Variants in PDSS2 observed in about 807,000 individuals in gnomAD.
PDSS2 encodes the protein all trans-polyprenyl-diphosphate synthase PDSS2.
PDSS2 carries 31 observed loss-of-function variants against 44.5 expected under a neutral mutation model. That is an observed-to-expected ratio of 0.70 (90% CI 0.52 to 0.94). The LOEUF (loss-of-function observed/expected upper bound fraction) is 0.94, where lower values mean the gene tolerates loss of function less well. PDSS2 is among the 40% of genes least tolerant of loss of function. The probability of loss-of-function intolerance (pLI) is 0.00; values close to 1 mark genes in which losing one functional copy is unlikely to be tolerated. For missense variants in PDSS2, 452 were observed against 482.2 expected (o/e 0.94, Z 0.59); for synonymous variants, 157 against 180.3 (o/e 0.87, Z 1.03).
intron 1 of PDSS2, among the ~76,000 whole-genome samples, chr6:107,365,375 TA>T (rs891958321): frequency 6.6e-6 from 1 of 151,264 alleles, no homozygotes; most frequent in Non-Finnish European, 1.5e-5. Context: ...ATCATACAGC[TA>T]AAAAAAACAC....
At chr6:107,252,567 AAACT>A (rs1477213225) in intron 3 of PDSS2, among the ~76,000 whole-genome samples, 2 of 152,210 alleles carry the variant, frequency 1.3e-5, no homozygotes, top group South Asian at 2.1e-4. Context: ...ATTGGTTCAT[AAACT>A]AACTACTGGT....
chr6:107,390,860 A>G (rs565603926), intron 1 of PDSS2, among the ~76,000 whole-genome samples: 2 of 152,284 alleles, frequency 1.3e-5, no homozygotes, highest in South Asian at 4.1e-4. Flanking sequence ...ACCCAAGTCT[A>G]CTTTTGCTCT....
At chr6:107,196,755 A>G (rs1772576051) in intron 6 of PDSS2, among the ~76,000 whole-genome samples, 1 of 152,230 alleles carries the variant, frequency 6.6e-6, no homozygotes, top group Non-Finnish European at 1.5e-5. Flanking sequence ...AGACCAAGAC[A>G]GGATTAGAAG....
At chr6:107,262,967 A>T (rs367989379) in intron 3 of PDSS2, among the ~76,000 whole-genome samples, 12 of 152,190 alleles carry the variant, frequency 7.9e-5, no homozygotes, top group African/African-American at 2.6e-4. Context: ...TTAAAAAAAT[A>T]AAAAAGGTAA....
chr6:107,321,938 A>C (rs1474635697), intron 2 of PDSS2, among the ~76,000 whole-genome samples: 4 of 152,146 alleles, frequency 2.6e-5, no homozygotes, highest in Non-Finnish European at 5.9e-5. Context: ...CCACCCCTGC[A>C]AACTGATTCA....
chr6:107,189,369 G>T (rs1259093730), intron 7 of PDSS2, among the ~76,000 whole-genome samples: 1 of 151,804 alleles, frequency 6.6e-6, no homozygotes, highest in Non-Finnish European at 1.5e-5. Flanking sequence ...ACAGAGTCTT[G>T]CTCTGTTGTC....
At chr6:107,454,996 T>A (rs1781989915) in intron 1 of PDSS2, among the ~76,000 whole-genome samples, 1 of 152,126 alleles carries the variant, frequency 6.6e-6, no homozygotes, top group Non-Finnish European at 1.5e-5. Context: ...TTAGGCTGTT[T>A]AAATAATTTG....
intron 2 of PDSS2, among the ~76,000 whole-genome samples, chr6:107,286,099 C>G (rs1284389186): frequency 7.6e-6 from 1 of 132,118 alleles, no homozygotes; most frequent in Non-Finnish European, 1.5e-5. Flanking sequence ...AAGATCTAGG[C>G]TGGAGCCTAG....
At chr6:107,243,856 T>A (rs7745311) in intron 4 of PDSS2, among the ~76,000 whole-genome samples, 1 of 152,078 alleles carries the variant, frequency 6.6e-6, no homozygotes, top group Non-Finnish European at 1.5e-5. Flanking sequence ...GGGCTGGGCA[T>A]GGTGGCTCAC....
intron 1 of PDSS2, among the ~76,000 whole-genome samples, chr6:107,352,240 C>A (rs1778455356): frequency 6.6e-6 from 1 of 152,018 alleles, no homozygotes; most frequent in Non-Finnish European, 1.5e-5. Context: ...GCTAATGTTT[C>A]AATATAACAG....
chr6:107,336,118 G>A (rs1777883421), intron 1 of PDSS2, among the ~76,000 whole-genome samples: 1 of 151,928 alleles, frequency 6.6e-6, no homozygotes, highest in Non-Finnish European at 1.5e-5. Flanking sequence ...ACCCAGGCGT[G>A]GTGGCAGGTA....
chr6:107,294,108 A>C (rs1371327324), intron 2 of PDSS2, among the ~76,000 whole-genome samples: 1 of 152,178 alleles, frequency 6.6e-6, no homozygotes, highest in Non-Finnish European at 1.5e-5. Flanking sequence ...CAGCTAAATA[A>C]CAAGAGGCAG....
chr6:107,251,102 C>T (rs771771396), intron 3 of PDSS2, among the ~76,000 whole-genome samples: 4 of 152,188 alleles, frequency 2.6e-5, no homozygotes, highest in Non-Finnish European at 5.9e-5. Flanking sequence ...GATCTGCCTG[C>T]CTCGGCCTCC....
At chr6:107,395,638 T>C (rs1232654517) in intron 1 of PDSS2, among the ~76,000 whole-genome samples, 1 of 152,194 alleles carries the variant, frequency 6.6e-6, no homozygotes, top group East Asian at 1.9e-4. Context: ...TCTACTTATG[T>C]TGATTTTTGT....
chr6:107,378,931 G>A (rs532312565), intron 1 of PDSS2, among the ~76,000 whole-genome samples: 1 of 152,094 alleles, frequency 6.6e-6, no homozygotes, highest in Non-Finnish European at 1.5e-5. Flanking sequence ...ACATAAAATC[G>A]CCATGATTTA....
At chr6:107,275,050 A>T (rs73509194) in intron 2 of PDSS2, among the ~76,000 whole-genome samples, 3,576 of 152,226 alleles carry the variant, frequency 0.023, 147 homozygotes, top group African/African-American at 0.082. Context: ...TCCTTCAAGG[A>T]CTTTTTAACT....
At chr6:107,224,348 A>G (rs1472628334) in intron 4 of PDSS2, among the ~76,000 whole-genome samples, 1 of 151,416 alleles carries the variant, frequency 6.6e-6, no homozygotes, top group African/African-American at 2.5e-5. Flanking sequence ...ATTCTAGCCT[A>G]AGAGATATGA....
intron 2 of PDSS2, among the ~76,000 whole-genome samples, chr6:107,292,258 C>T (rs571437203): frequency 6.6e-6 from 1 of 151,842 alleles, no homozygotes; most frequent in East Asian, 1.9e-4. Flanking sequence ...CAAAAATTCT[C>T]CCATATTCAG....
intron 6 of PDSS2, among the ~76,000 whole-genome samples, chr6:107,199,744 G>A (rs1303488249): frequency 1.3e-5 from 2 of 152,202 alleles, no homozygotes; most frequent in Non-Finnish European, 2.9e-5. Context: ...TTCTTTATAT[G>A]TATTGGTTAT....
Sources: allele counts gnomAD v4.1 joint callset (sites outside exome capture counted in the v4.1 genomes callset), GRCh38; gene constraint gnomAD v4.1.1; transcripts MANE v1.5; gene names NCBI Gene and HGNC (gene_info 2026-07-23, HGNC 2026-07-21).